The following ATP7A variants were observed in gnomAD, a reference collection of about 807,000 sequenced individuals.
ATP7A encodes ATPase copper transporting alpha.
Under a neutral mutation model 83.5 loss-of-function variants are expected in ATP7A, and 7 were observed. The observed-to-expected ratio is 0.08, with a 90% CI of 0.05 to 0.16. ATP7A has a LOEUF of 0.16. Ranked by LOEUF, ATP7A falls within the 10% of genes least tolerant of loss-of-function variation. The probability of loss-of-function intolerance (pLI) is 1.00; values close to 1 mark genes in which losing one functional copy is unlikely to be tolerated. For missense variants in ATP7A, 940 were observed against 1,120.8 expected (o/e 0.84, Z 2.30); for synonymous variants, 354 against 395.2 (o/e 0.90, Z 1.24).
rs931179711 is a variant in ATP7A, at chrX:77,983,663, T to C, written c.121-4579T>C. Among the ~76,000 whole-genome samples, 8 of 112,096 alleles carry C rather than the reference T, an allele frequency of 7.1e-5. No homozygotes were observed. The Admixed American group carries it at 7.6e-4, about 11-fold the overall frequency. On this transcript the variant is annotated intron_variant, in intron 2 of 22. Transcript: ENST00000341514. ...CATCTTCAGTCTTTCCTATGAGCTA[T>C]ATTTATAATTTGTAGGCTGTTACAT... is the stretch of plus-strand genomic sequence containing the variant.
intron 5 of ATP7A, among the ~76,000 whole-genome samples, chrX:77,999,907 C>CA (rs781857498): frequency 0.14 from 6,034 of 44,439 alleles, 645 homozygotes; most frequent in African/African-American, 0.35. Flanking sequence ...GACTCCATCT[C>CA]AAAAAAAAAA....
In ATP7A at chrX:78,032,489, C is replaced by T. The variant is rs139339244; in HGVS notation, c.3294+907C>T. Among the ~76,000 whole-genome samples the T allele has an allele frequency of 4.9e-3, 546 of 111,841 alleles. 4 individuals carry two copies. The highest frequency in any genetic ancestry group is 0.017 in the African/African-American group (512 of 30,835). On this transcript the variant is annotated intron_variant, in intron 16 of 22. Coordinates refer to ENST00000341514, the MANE Select transcript of ATP7A (RefSeq NM_000052.7). ...GCTCATTTCCCCACATTCTTACCAA[C>T]GCTTTATTTTTATTTTCTCAATTTA...
At chrX:78,039,113 A>G in intron 18 of ATP7A, 131 bp downstream of exon 18, 1 of 716,135 alleles carries the variant, frequency 1.4e-6, no homozygotes, top group Non-Finnish European at 2.0e-6. Context: ...AAATGTCAAC[A>G]ACACATGATT....
At chrX:77,943,329 C>G (rs1336610393) in intron 1 of ATP7A, among the ~76,000 whole-genome samples, 2 of 111,813 alleles carry the variant, frequency 1.8e-5, no homozygotes, top group Non-Finnish European at 3.8e-5. Flanking sequence ...TGTTTTCTGT[C>G]AGCCCTCTCT....
chrX:78,020,102 GA>G, intron 12 of ATP7A, 141 bp from the exon 13 acceptor site: 2 of 734,532 alleles, frequency 2.7e-6, no homozygotes, highest in Non-Finnish European at 4.1e-6. Flanking sequence ...CTGATATAAG[GA>G]AAAAGGGAAA....
chrX:77,959,038 T>TAGTGAGG (rs1557227728), intron 1 of ATP7A, among the ~76,000 whole-genome samples: 44 of 111,023 alleles, frequency 4.0e-4, no homozygotes, highest in African/African-American at 1.4e-3. Flanking sequence ...TCTGCTCCCC[T>TAGTGAGG]CAGCCTCCCA....
intron 16 of ATP7A, among the ~76,000 whole-genome samples, chrX:78,032,655 A>G (rs1463112302): frequency 8.9e-6 from 1 of 112,094 alleles, no homozygotes; most frequent in Non-Finnish European, 1.9e-5. Context: ...ATTTTTCCAC[A>G]GAGTTGTTTG....
chrX:77,951,586 T>C lies in ATP7A; in HGVS notation c.-21-20035T>C, dbSNP rs191596336. ...ATTCTGACATCAGCACAAGACCTTTTTTTTTTTTTTTGAGATGGAGTCTCG... is the reference window on the plus strand; with the variant it reads ...ATTCTGACATCAGCACAAGACCTTTCTTTTTTTTTTTGAGATGGAGTCTCG... On this transcript the variant is annotated intron_variant, in intron 1 of 22. Coordinates refer to ENST00000341514, the MANE Select transcript of ATP7A (RefSeq NM_000052.7). Among the ~76,000 whole-genome samples, 506 of 109,261 alleles carry C rather than the reference T, an allele frequency of 4.6e-3. 2 individuals carry two copies. The highest frequency in any genetic ancestry group is 0.016 in the African/African-American group (486 of 30,116). 94.9% of individuals were successfully genotyped at this position (109,261 alleles called of 115,157 possible). A position where few individuals can be genotyped will look rare whatever the true frequency, so the allele number is the denominator to read the frequency against.
In ATP7A at chrX:77,989,759, T is replaced by C. The variant is rs376042813; in HGVS notation, c.1137T>C (p.Thr379=). The change falls in exon 4 of 23, where the codon ACT becomes ACC. Residue 379 remains threonine (T), a synonymous_variant. Coordinates refer to ENST00000341514, the MANE Select transcript of ATP7A (RefSeq NM_000052.7). ...NVVSQPLTQE[T]VINIDGMTCN... Reference sequence around the variant, plus strand: ...TTAGCCAGCCTCTGACACAAGAAACTGTGATAAACATTGATGGCATGACTT... The same window carrying C: ...TTAGCCAGCCTCTGACACAAGAAACCGTGATAAACATTGATGGCATGACTT... The C allele has an allele frequency of 5.9e-5, 71 of 1,209,290 alleles. No homozygotes were observed. Among genetic ancestry groups the C allele is most frequent in the Non-Finnish European group, 7.8e-5 (70 of 894,800 alleles).
chrX:78,046,353 A>G lies in ATP7A; in HGVS notation c.4286A>G (p.Lys1429Arg), dbSNP rs2078083449. 1 of 1,209,692 alleles carries G rather than the reference A, an allele frequency of 8.3e-7. No homozygotes were observed. Among genetic ancestry groups the G allele is most frequent in the Admixed American group, 2.2e-5 (1 of 45,778 alleles). Residue 1429 changes from lysine (K) to arginine (R), a missense_variant, in exon 23 of 23, where the codon AAG (lysine) becomes AGG (arginine). Physicochemically the swap from Lys to Arg is conservative, Grantham distance 26. Transcript: ENST00000341514. ...ELPARSQIGQ[K>R]SPSEISVHVG... ...CCTGCCCGGAGCCAGATAGGACAGA[A>G]GAGTCCTTCAGAAATCAGCGTTCAT... is the stretch of plus-strand genomic sequence containing the variant.
chrX:77,916,839 T>C (rs2149039690), intron 1 of ATP7A, among the ~76,000 whole-genome samples: 1 of 111,649 alleles, frequency 9.0e-6, no homozygotes, highest in South Asian at 3.7e-4. Flanking sequence ...TATGTTCCAA[T>C]GTCTAGCAAG....
chrX:78,020,599 A>C (rs1254397884), intron 13 of ATP7A, among the ~76,000 whole-genome samples: 1 of 111,091 alleles, frequency 9.0e-6, no homozygotes, highest in Non-Finnish European at 1.9e-5. Context: ...TGCACCCTTG[A>C]CCTCCTAAGT....
chrX:77,996,117 C>G (rs901032754), intron 4 of ATP7A, among the ~76,000 whole-genome samples: 1 of 112,009 alleles, frequency 8.9e-6, no homozygotes, highest in African/African-American at 3.2e-5. Flanking sequence ...TCCTGTTTAC[C>G]AATTTCATGC....
intron 6 of ATP7A, among the ~76,000 whole-genome samples, chrX:78,007,167 A>T (rs1284865913): frequency 8.9e-6 from 1 of 111,960 alleles, no homozygotes; most frequent in Admixed American, 9.5e-5. Context: ...ATGCATGTCA[A>T]CACTTGCTAT....
chrX:78,030,694 C>CT (rs781934660), intron 15 of ATP7A, among the ~76,000 whole-genome samples: 3,545 of 95,650 alleles, frequency 0.037, 139 homozygotes, highest in African/African-American at 0.1. Flanking sequence ...TTCTTTCTTT[C>CT]TTTTTTTTTT....
At chrX:77,998,972 G>A (rs1474053121) in intron 5 of ATP7A, among the ~76,000 whole-genome samples, 2 of 110,114 alleles carry the variant, frequency 1.8e-5, no homozygotes. Context: ...GATCAATCAT[G>A]GTTGTGTTGG....
chrX:77,929,128 A>G (rs1339717196), intron 1 of ATP7A, among the ~76,000 whole-genome samples: 6 of 112,002 alleles, frequency 5.4e-5, no homozygotes, highest in African/African-American at 1.9e-4. Context: ...TGTTTCTTTT[A>G]GATTAAGGGG....
chrX:77,985,842 CT>C (rs2077633767), intron 2 of ATP7A, among the ~76,000 whole-genome samples: 1 of 111,044 alleles, frequency 9.0e-6, no homozygotes. Flanking sequence ...CCTCTAACCC[CT>C]GGAAACCACT....
chrX:78,008,814 A>G (rs1055336514), intron 6 of ATP7A, among the ~76,000 whole-genome samples: 1 of 109,724 alleles, frequency 9.1e-6, no homozygotes, highest in African/African-American at 3.3e-5. Flanking sequence ...GGAGTTCGAG[A>G]CCAGCCTGGC....
Sources: allele counts gnomAD v4.1 joint callset (sites outside exome capture counted in the v4.1 genomes callset), GRCh38; gene constraint gnomAD v4.1.1; transcripts MANE v1.5; gene names NCBI Gene and HGNC (gene_info 2026-07-23, HGNC 2026-07-21).